MCTP1: variants seen among roughly 807,000 people sequenced by gnomAD.
MCTP1 encodes the protein multiple C2 and transmembrane domain-containing protein 1.
MCTP1 carries 69 observed loss-of-function variants against 120.6 expected under a neutral mutation model. That is an observed-to-expected ratio of 0.57 (90% CI 0.47 to 0.70). MCTP1 has a LOEUF of 0.70. MCTP1 is among the 30% of genes least tolerant of loss of function. MCTP1 has a pLI of 0.00. For missense variants in MCTP1, 1,203 were observed against 1,248.8 expected, an observed-to-expected ratio of 0.96 and a Z score of 0.55; for synonymous variants, 529 against 493.1, an observed-to-expected ratio of 1.07 and a Z score of -0.96.
At chr5:94,977,623 CAT>C (rs1163478878) in intron 2 of MCTP1, among the ~76,000 whole-genome samples, 18 of 152,062 alleles carry the variant, frequency 1.2e-4, no homozygotes, top group Admixed American at 1.2e-3. Context: ...AAAAGACAGA[CAT>C]ATAGTCCAAG....
At chr5:95,188,899 C>T (rs1257985385) in intron 1 of MCTP1, among the ~76,000 whole-genome samples, 2 of 152,080 alleles carry the variant, frequency 1.3e-5, no homozygotes, top group African/African-American at 4.8e-5. Context: ...TGATACTGTA[C>T]TATAATTCTG....
At chr5:94,985,313 T>C (rs192202434) in intron 2 of MCTP1, among the ~76,000 whole-genome samples, 2 of 152,366 alleles carry the variant, frequency 1.3e-5, no homozygotes, top group East Asian at 3.9e-4. Context: ...TGAATACAAA[T>C]GCTACCTTAA....
At chr5:94,847,469 G>A (rs1419452129) in intron 17 of MCTP1, among the ~76,000 whole-genome samples, 1 of 151,916 alleles carries the variant, frequency 6.6e-6, no homozygotes, top group Non-Finnish European at 1.5e-5. Flanking sequence ...AATTTCCGAT[G>A]TTTTACTTAG....
chr5:94,789,887 G>C (rs899405877), intron 18 of MCTP1, among the ~76,000 whole-genome samples: 7 of 152,068 alleles, frequency 4.6e-5, no homozygotes, highest in African/African-American at 1.4e-4. Flanking sequence ...ATAAAAATTA[G>C]ATAATTTTTA....
intron 2 of MCTP1, among the ~76,000 whole-genome samples, chr5:94,960,586 C>T (rs1823877327): frequency 6.6e-6 from 1 of 151,880 alleles, no homozygotes; most frequent in Non-Finnish European, 1.5e-5. Context: ...AAAAAACAAC[C>T]CCATCAAAAA....
At chr5:94,782,267 C>T (rs1776737479) in intron 18 of MCTP1, among the ~76,000 whole-genome samples, 1 of 152,058 alleles carries the variant, frequency 6.6e-6, no homozygotes, top group Non-Finnish European at 1.5e-5. Context: ...TTTTCCTGGA[C>T]AAAATATTCT....
chr5:95,200,934 A>C (rs1239516918), intron 1 of MCTP1, among the ~76,000 whole-genome samples: 1 of 152,236 alleles, frequency 6.6e-6, no homozygotes, highest in Non-Finnish European at 1.5e-5. Flanking sequence ...TGTCAGAGAT[A>C]AACAAAACAA....
chr5:95,015,800 A>C (rs936768953), intron 2 of MCTP1, among the ~76,000 whole-genome samples: 2 of 152,024 alleles, frequency 1.3e-5, no homozygotes, highest in Admixed American at 6.6e-5. Flanking sequence ...TATTTAGATT[A>C]TTGCCTATAT....
intron 6 of MCTP1, chr5:94,929,748 G>T: frequency 1.1e-6 from 1 of 882,706 alleles, no homozygotes; most frequent in Non-Finnish European, 1.4e-6. Context: ...ACTTTCCCCC[G>T]ATTTTGGATT....
rs576517401 is a variant in MCTP1 at position 95,174,777 on chromosome 5, T to C, written c.720+109079A>G. Among the ~76,000 whole-genome samples the C allele has an allele frequency of 2.0e-5, 3 of 152,360 alleles. No individual in the cohort carries two copies. The South Asian group carries it at 6.2e-4, about 32-fold the overall frequency. On this transcript the variant is annotated intron_variant, in intron 1 of 22. Coordinates refer to ENST00000515393, the MANE Select transcript of MCTP1 (RefSeq NM_024717.7). ...GGCATAAAGTAAGTACTCAATAAAC[T>C]GTTAATTACTATTTTTAATTATTCT...
chr5:94,837,962 A>G (rs761367132), intron 17 of MCTP1, among the ~76,000 whole-genome samples: 6 of 152,210 alleles, frequency 3.9e-5, no homozygotes, highest in Non-Finnish European at 7.3e-5. Flanking sequence ...TACTTCACAT[A>G]CCACTATTTG....
At chr5:94,885,505 C>G (rs1256710996) in intron 12 of MCTP1, among the ~76,000 whole-genome samples, 1 of 152,100 alleles carries the variant, frequency 6.6e-6, no homozygotes, top group African/African-American at 2.4e-5. Context: ...TTAGGCCCTG[C>G]TCAAGGGAAA....
At position 95,154,629 on chromosome 5, in the gene MCTP1, T is replaced by C. The variant is rs116462236; in HGVS notation, c.720+129227A>G. 3.3e-3 allele frequency among the ~76,000 whole-genome samples: 509 copies of C among 152,284 alleles called. 2 individuals carry two copies. Among genetic ancestry groups the C allele is most frequent in the African/African-American group, 0.012 (488 of 41,564 alleles). ...CCAAGAAAACTGAGGCTTTGTGTAATTATGGCAAACAAGTTCTTCAATCCT... is the reference window on the plus strand; with the variant it reads ...CCAAGAAAACTGAGGCTTTGTGTAACTATGGCAAACAAGTTCTTCAATCCT... On this transcript the variant is annotated intron_variant, in intron 1 of 22. Coordinates refer to ENST00000515393, the MANE Select transcript of MCTP1 (RefSeq NM_024717.7).
chr5:94,947,417 C>T (rs938660447), intron 3 of MCTP1, among the ~76,000 whole-genome samples: 6 of 151,506 alleles, frequency 4.0e-5, no homozygotes, highest in Non-Finnish European at 5.9e-5. Context: ...TTTTCTATTG[C>T]ATTCCTTACA....
chr5:95,109,690 T>C (rs1320325678), intron 1 of MCTP1, among the ~76,000 whole-genome samples: 2 of 152,216 alleles, frequency 1.3e-5, no homozygotes, highest in Non-Finnish European at 2.9e-5. Context: ...TTGACTTTCA[T>C]GAGGGAGCTA....
intron 1 of MCTP1, among the ~76,000 whole-genome samples, chr5:95,139,939 AAC>A (rs1759767062): frequency 6.6e-6 from 1 of 152,246 alleles, no homozygotes; most frequent in African/African-American, 2.4e-5. Flanking sequence ...GAAACAGAAA[AAC>A]ATCAAAATCA....
intron 1 of MCTP1, 52 bp from the exon 2 acceptor site, chr5:95,017,536 T>TCTCTAAAGGGGGACCA: frequency 8.6e-7 from 1 of 1,164,154 alleles, no homozygotes. Flanking sequence ...CTGTTCTATT[T>TCTCTAAAGGGGGACCA]TCTCTAAAGG....
intron 1 of MCTP1, among the ~76,000 whole-genome samples, chr5:95,204,641 C>G (rs1435020302): frequency 6.6e-6 from 1 of 152,040 alleles, no homozygotes; most frequent in Admixed American, 6.5e-5. Context: ...GAATCCACTA[C>G]AAAACTACTA....
chr5:95,179,709 C>T (rs1340133001), intron 1 of MCTP1, among the ~76,000 whole-genome samples: 2 of 152,158 alleles, frequency 1.3e-5, no homozygotes, highest in Admixed American at 6.5e-5. Flanking sequence ...CCTCAAAACA[C>T]ACCAAAATAG....
Sources: gnomAD v4.1 joint callset for allele counts (sites outside exome capture counted in the v4.1 genomes callset) on GRCh38, gnomAD v4.1.1 for gene constraint, MANE v1.5 for transcripts, NCBI Gene and HGNC (gene_info 2026-07-23, HGNC 2026-07-21) for gene names.